Variants in EIF3A observed in about 807,000 individuals in gnomAD.
EIF3A encodes the protein eukaryotic translation initiation factor 3 subunit A.
EIF3A carries 21 observed loss-of-function variants against 186.6 expected under a neutral mutation model. That is an observed-to-expected ratio of 0.11 (90% CI 0.08 to 0.16). EIF3A has a LOEUF of 0.16. Among genes scored for constraint, EIF3A ranks in the 10% least tolerant of loss-of-function variants. EIF3A has a pLI of 1.00. For synonymous variants in EIF3A, 563 were observed against 584.3 expected (o/e 0.96, Z 0.52); for missense variants, 1,306 against 1,796.3 (o/e 0.73, Z 4.93).
chr10:119,069,660 A>T lies in EIF3A; in HGVS notation c.742-6T>A. On this transcript the variant is annotated splice_polypyrimidine_tract_variant and splice_region_variant and intron_variant, in intron 5 of 21. Transcript: ENST00000369144. ...TCCACAGCTTTGAATGCTTCCTAAA[A>T]TTAGGAGTATAAATTAAAGTCATTG... 6.8e-7 allele frequency: 1 copy of T among 1,472,272 alleles called. No homozygotes were observed. Among genetic ancestry groups the T allele is most frequent in the Non-Finnish European group, 9.5e-7 (1 of 1,051,788 alleles). The allele number at this position is 1,472,272 out of a possible 1,614,324, so 91.2% of individuals were successfully genotyped here.
At chr10:119,057,148 T>A (rs897252110) in intron 12 of EIF3A, 108 bp from the exon 13 acceptor site, 6 of 647,378 alleles carry the variant, frequency 9.3e-6, no homozygotes, top group African/African-American at 9.1e-5. Context: ...ATTGTTACAA[T>A]GGGTGATAAT....
At chr10:119,050,784 G>A (rs897161159) in intron 15 of EIF3A, 110 bp from the exon 16 acceptor site, 17 of 1,173,926 alleles carry the variant, frequency 1.4e-5, no homozygotes, top group African/African-American at 6.1e-5. Flanking sequence ...CAGAATCATC[G>A]AAAGCAACCT....
intron 6 of EIF3A, among the ~76,000 whole-genome samples, chr10:119,069,235 T>C (rs552205050): frequency 5.3e-4 from 80 of 151,996 alleles, no homozygotes; most frequent in South Asian, 1.0e-3. Flanking sequence ...CTGGCGGTGG[T>C]TGCTACTGGC....
At chr10:119,068,545 G>A (rs1009001346) in intron 6 of EIF3A, among the ~76,000 whole-genome samples, 6 of 152,042 alleles carry the variant, frequency 3.9e-5, no homozygotes, top group Non-Finnish European at 7.4e-5. Flanking sequence ...GCATGGTGGT[G>A]CACACCTGTA....
intron 1 of EIF3A, among the ~76,000 whole-genome samples, chr10:119,077,428 C>G (rs35483538): frequency 0.082 from 12,378 of 151,780 alleles, 1,072 homozygotes; most frequent in African/African-American, 0.22. Context: ...TCCAGCCTGG[C>G]CAACAGAGAG....
intron 19 of EIF3A, among the ~76,000 whole-genome samples, chr10:119,039,316 T>C (rs944969716): frequency 2.6e-5 from 4 of 152,112 alleles, no homozygotes; most frequent in Admixed American, 2.0e-4. Flanking sequence ...ACAGTACATA[T>C]AGAGATGTAA....
Position 119,034,896 on chromosome 10 carries a change from T to G in EIF3A, c.*1143A>C, listed in dbSNP as rs1848107301. The G allele has an allele frequency of 6.6e-6, 1 of 152,452 alleles. No homozygotes were observed. Among genetic ancestry groups the G allele is most frequent in the African/African-American group, 2.4e-5 (1 of 41,458 alleles). The allele number at this position is 152,452 out of a possible 1,614,324, so 9.4% of individuals were successfully genotyped here. A position where few individuals can be genotyped will look rare whatever the true frequency, so the allele number is the denominator to read the frequency against. ...GGGGACATCCTAGCCACATATGCTT[T>G]CTTTGTTATATTTAGGTTCATTTTC... On this transcript the variant is annotated 3_prime_UTR_variant, in exon 22 of 22. Coordinates refer to ENST00000369144, the MANE Select transcript of EIF3A (RefSeq NM_003750.4).
intron 21 of EIF3A, 151 bp downstream of exon 21, chr10:119,036,968 T>A: frequency 1.5e-6 from 1 of 654,258 alleles, no homozygotes; most frequent in Non-Finnish European, 2.7e-6. Context: ...GACCATTGAG[T>A]AACTGTATGA....
chr10:119,046,465 C>T (rs538884586), intron 17 of EIF3A, among the ~76,000 whole-genome samples: 11 of 152,122 alleles, frequency 7.2e-5, no homozygotes, highest in South Asian at 4.2e-4. Context: ...AAATAATGTT[C>T]GCTAATATGG....
At chr10:119,062,829 C>A (rs549095752) in intron 7 of EIF3A, among the ~76,000 whole-genome samples, 1 of 135,166 alleles carries the variant, frequency 7.4e-6, no homozygotes, top group Non-Finnish European at 1.5e-5. Context: ...CTCACTGCAA[C>A]CTATGCCTCC....
At position 119,073,678 on chromosome 10, in the gene EIF3A, G is replaced by A. The variant is rs1361398081; in HGVS notation, c.240+69C>T. 38 of 1,558,172 alleles carry A rather than the reference G, an allele frequency of 2.4e-5. 1 individual carries two copies. The highest frequency in any genetic ancestry group is 4.5e-5 in the East Asian group (2 of 44,450). On this transcript the variant is annotated intron_variant, in intron 2 of 21. Transcript: ENST00000369144. ...AAGAGAAATACAATATATTCACTTC[G>A]AAAGGTAAGTTCTTCGGCAGATTAC...
chr10:119,052,927 T>C (rs982596085), intron 14 of EIF3A, among the ~76,000 whole-genome samples: 1 of 152,238 alleles, frequency 6.6e-6, no homozygotes. Flanking sequence ...TACAGGTTTA[T>C]GAAATATATT....
intron 20 of EIF3A, among the ~76,000 whole-genome samples, chr10:119,037,896 T>C (rs895776819): frequency 2.6e-4 from 39 of 149,956 alleles, no homozygotes; most frequent in African/African-American, 8.3e-4. Context: ...ATTTTCTTAC[T>C]TTAAGAGGGA....
chr10:119,080,585 C>T (rs1339023206), intron 1 of EIF3A, 43 bp downstream of exon 1: 2 of 1,555,478 alleles, frequency 1.3e-6, no homozygotes, highest in Non-Finnish European at 1.7e-6. Context: ...ACCTCGGAGG[C>T]CTCGGGCCGC....
rs1232375013 is a variant in EIF3A at position 119,034,280 on chromosome 10, G to A, written c.*1759C>T. 1 of 166,896 alleles carries A rather than the reference G, an allele frequency of 6.0e-6. No individual in the cohort carries two copies. Among genetic ancestry groups the A allele is most frequent in the East Asian group, 1.9e-4 (1 of 5,204 alleles). 10.3% of individuals were successfully genotyped at this position (166,896 alleles called of 1,614,324 possible). On this transcript the variant is annotated 3_prime_UTR_variant, in exon 22 of 22. Coordinates refer to ENST00000369144, the MANE Select transcript of EIF3A (RefSeq NM_003750.4). ...ACAAAGAACTTGGGAGAACAGTACG[G>A]GAGACTGAGCAGAAAGGATGGGTTT... is the stretch of plus-strand genomic sequence containing the variant.
intron 19 of EIF3A, 78 bp from the exon 20 acceptor site, chr10:119,038,517 G>A: frequency 8.5e-7 from 1 of 1,179,040 alleles, no homozygotes; most frequent in South Asian, 1.4e-5. Flanking sequence ...AATAGACGTT[G>A]GCATTAATTC....
rs202128409 is a variant in EIF3A at position 119,042,081 on chromosome 10, G to C, written c.3439C>G (p.Arg1147Gly). The stretch of plus-strand genomic sequence containing the variant: ...TCATCATCAGCACGTCTTGAAAGGC[G>C]ATCATCATCCATGTTTCTCCAAGGG... ...RGPWRNMDDDRLSRRADDDRF... is the reference protein window; with the variant it reads ...RGPWRNMDDDGLSRRADDDRF... The change falls in exon 19 of 22, where the codon CGC becomes GGC. Residue 1147 changes from arginine (R) to glycine (G), a missense_variant. Coordinates refer to ENST00000369144, the MANE Select transcript of EIF3A (RefSeq NM_003750.4). This position sits in a 1 kb window ranked among gnomAD's most constrained non-coding sequence, Gnocchi z 7.8. The C allele has an allele frequency of 1.2e-6, 2 of 1,614,176 alleles. No homozygotes were observed. The highest frequency in any genetic ancestry group is 1.3e-5 in the African/African-American group (1 of 75,028).
chr10:119,046,717 G>A (rs943969803), intron 17 of EIF3A, among the ~76,000 whole-genome samples: 9 of 152,326 alleles, frequency 5.9e-5, no homozygotes, highest in African/African-American at 1.7e-4. Context: ...TCAGCACTTT[G>A]GGAGGTTGAG....
chr10:119,050,926 T>C (rs527767112), intron 15 of EIF3A, among the ~76,000 whole-genome samples: 4 of 152,356 alleles, frequency 2.6e-5, no homozygotes, highest in Non-Finnish European at 5.9e-5. Context: ...ATGGTCAAAT[T>C]AGAATCTAAG....
Sources: gnomAD v4.1 joint callset for allele counts (sites outside exome capture counted in the v4.1 genomes callset) on GRCh38, gnomAD v4.1.1 for gene constraint, Gnocchi (gnomAD v3.1) non-coding constraint, MANE v1.5 for transcripts, NCBI Gene and HGNC (gene_info 2026-07-23, HGNC 2026-07-21) for gene names.